The following TNFRSF8 variants were observed in gnomAD, a reference collection of about 807,000 sequenced individuals.
TNFRSF8 encodes tumor necrosis factor receptor superfamily member 8.
In TNFRSF8, 26 loss-of-function variants were observed where a neutral mutation model predicts 70.8. The observed-to-expected ratio is 0.37, with a 90% CI of 0.27 to 0.51. The LOEUF is 0.51. Among genes scored for constraint, TNFRSF8 ranks in the 20% least tolerant of loss-of-function variants. TNFRSF8 has a pLI of 0.94. For missense variants in TNFRSF8, 720 were observed against 807.9 expected (o/e 0.89, Z 1.32); for synonymous variants, 356 against 339.2 (o/e 1.05, Z -0.54).
In TNFRSF8 at chr1:12,063,539, G is replaced by C. The variant is rs1640683818; in HGVS notation, c.-60G>C. 3.1e-6 allele frequency: 4 copies of C among 1,285,218 alleles called. No individual in the cohort carries two copies. In the South Asian group the frequency reaches 9.3e-5, roughly 30 times the overall value. The allele number at this position is 1,285,218 out of a possible 1,614,324, so 79.6% of individuals were successfully genotyped here. On this transcript the variant is annotated 5_prime_UTR_variant, in exon 1 of 15. Transcript: ENST00000263932. The surrounding 1 kb of genome is among the most constrained non-coding windows in gnomAD (Gnocchi z 7.2). ...CCGGGACCGCACGTGGGCGCCGCGCGCTTCCCCCGCTTCCCAGGTGGGCGC... is the reference window on the plus strand; with the variant it reads ...CCGGGACCGCACGTGGGCGCCGCGCCCTTCCCCCGCTTCCCAGGTGGGCGC...
At chr1:12,134,634 GTCC>G (rs1642112132) in intron 12 of TNFRSF8, among the ~76,000 whole-genome samples, 1 of 152,234 alleles carries the variant, frequency 6.6e-6, no homozygotes, top group South Asian at 2.1e-4. Context: ...GAGAGCAGTT[GTCC>G]TCCTCGAAGG....
At chr1:12,078,336 GGT>G (rs1395996627) in intron 1 of TNFRSF8, among the ~76,000 whole-genome samples, 6 of 152,138 alleles carry the variant, frequency 3.9e-5, no homozygotes, top group African/African-American at 1.2e-4. Context: ...GGCTGAGGTG[GGT>G]GGCTCATTTG....
intron 4 of TNFRSF8, among the ~76,000 whole-genome samples, chr1:12,106,446 CCT>C (rs1160723692): frequency 1.3e-5 from 2 of 152,134 alleles, no homozygotes; most frequent in Non-Finnish European, 2.9e-5. Flanking sequence ...TGGATACATA[CCT>C]CTCTCTGTCT....
rs71230982 is a variant in TNFRSF8 at position 12,087,165 on chromosome 1, CTTTTT to C, written c.151+2630_151+2634del. Among the ~76,000 whole-genome samples, 34 of 83,946 alleles carry C rather than the reference CTTTTT, an allele frequency of 4.1e-4. 1 individual carries two copies. The highest frequency in any genetic ancestry group is 1.5e-3 in the African/African-American group (34 of 22,340). 55.1% of individuals were successfully genotyped at this position (83,946 alleles called of 152,430 possible). A position where few individuals can be genotyped will look rare whatever the true frequency, so the allele number is the denominator to read the frequency against. ...CAAATTTTTATTTCTCTCTCTCTCT[CTTTTT>C]TTTTTTTTTTTTTTTGAGATAGAGT... On this transcript the variant is annotated intron_variant, in intron 2 of 14. Coordinates refer to ENST00000263932, the MANE Select transcript of TNFRSF8 (RefSeq NM_001243.5).
chr1:12,069,709 G>A (rs924651490), intron 1 of TNFRSF8, among the ~76,000 whole-genome samples: 5 of 152,158 alleles, frequency 3.3e-5, no homozygotes, highest in African/African-American at 7.2e-5. Context: ...GAAGCACTCC[G>A]GGTGCTGCGA....
Position 12,076,442 on chromosome 1 carries a change from T to G in TNFRSF8, c.64-8022T>G, listed in dbSNP as rs115330331. ...AATAAACCTGTCTTTGGTAAGCCGC[T>G]TTTCATATTTTTTTCTTCTTTCTTC... On this transcript the variant is annotated intron_variant, in intron 1 of 14. Coordinates refer to ENST00000263932, the MANE Select transcript of TNFRSF8 (RefSeq NM_001243.5). Among the ~76,000 whole-genome samples, 1,085 of 152,274 alleles carry G rather than the reference T, an allele frequency of 7.1e-3. 10 individuals are homozygous for G. The highest frequency in any genetic ancestry group is 0.025 in the African/African-American group (1,041 of 41,550).
chr1:12,067,844 C>G (rs1454960796), intron 1 of TNFRSF8, among the ~76,000 whole-genome samples: 3 of 138,134 alleles, frequency 2.2e-5, no homozygotes, highest in Non-Finnish European at 3.0e-5. Flanking sequence ...TTTTGTTTTG[C>G]AAAAGGGACA....
intron 8 of TNFRSF8, among the ~76,000 whole-genome samples, chr1:12,120,475 C>T (rs140236795): frequency 3.4e-4 from 52 of 152,092 alleles, no homozygotes; most frequent in Middle Eastern, 3.4e-3. Flanking sequence ...TGAAAACTCC[C>T]GGGAAAAGAA....
chr1:12,124,593 G>A (rs1641896456), intron 10 of TNFRSF8, among the ~76,000 whole-genome samples: 1 of 152,170 alleles, frequency 6.6e-6, no homozygotes, highest in Non-Finnish European at 1.5e-5. Context: ...GGAGGCCAAG[G>A]TGGGTGGATC....
At position 12,142,582 on chromosome 1, in the gene TNFRSF8, C is replaced by A. The variant is rs1194839558; in HGVS notation, c.*51C>A. On this transcript the variant is annotated 3_prime_UTR_variant, in exon 15 of 15. Transcript: ENST00000263932. The surrounding 1 kb of genome is among the most constrained non-coding windows in gnomAD (Gnocchi z 5.0). ...GGGCAGCAGGGTGGCCTCTGGGAGG[C>A]CAGGATGGCACTGTTGGCACCGAGG... 1.3e-6 allele frequency: 2 copies of A among 1,539,004 alleles called. No individual in the cohort carries two copies. The highest frequency in any genetic ancestry group is 2.5e-5 in the East Asian group (1 of 40,780).
intron 1 of TNFRSF8, among the ~76,000 whole-genome samples, chr1:12,075,468 C>T (rs1640927822): frequency 1.3e-5 from 2 of 152,044 alleles, no homozygotes; most frequent in South Asian, 4.1e-4. Flanking sequence ...GAAGAGCTTC[C>T]ATACTCATCT....
At chr1:12,083,124 A>T (rs1415823758) in intron 1 of TNFRSF8, among the ~76,000 whole-genome samples, 1 of 152,232 alleles carries the variant, frequency 6.6e-6, no homozygotes, top group African/African-American at 2.4e-5. Flanking sequence ...CTACAGATCC[A>T]ACAAGATGGC....
rs1435152408 is a variant in TNFRSF8, at chr1:12,096,838, T to C, written c.152-263T>C. On this transcript the variant is annotated intron_variant, in intron 2 of 14. Coordinates refer to ENST00000263932, the MANE Select transcript of TNFRSF8 (RefSeq NM_001243.5). The stretch of plus-strand genomic sequence containing the variant: ...TGCTGACAAGGTCATTATCACGCAA[T>C]TGGCAAATGGCAGCCCTAGAATCCC... 2.0e-4 allele frequency among the ~76,000 whole-genome samples: 30 copies of C among 152,158 alleles called. 1 individual carries two copies. Among genetic ancestry groups the C allele is most frequent in the Admixed American group, 1.9e-3 (29 of 15,264 alleles).
chr1:12,135,622 C>T lies in TNFRSF8; in HGVS notation c.1335+9C>T, dbSNP rs1307675989. The stretch of plus-strand genomic sequence containing the variant: ...CCAGGAGGAGCTCAACGGTAAGTAC[C>T]CCTCCCTTGCCCCCACCTCAGCTTC... On this transcript the variant is annotated intron_variant, in intron 13 of 14. Transcript: ENST00000263932. 1.2e-6 allele frequency: 2 copies of T among 1,614,084 alleles called. No individual in the cohort carries two copies.
At chr1:12,070,155 G>A (rs1215266942) in intron 1 of TNFRSF8, among the ~76,000 whole-genome samples, 1 of 112,170 alleles carries the variant, frequency 8.9e-6, no homozygotes, top group Non-Finnish European at 1.9e-5. Flanking sequence ...TGGGGGGCTG[G>A]GGGATTGGGG....
rs1325204774 is a variant in TNFRSF8, at chr1:12,119,774, G to T, written c.947-3510G>T. Among the ~76,000 whole-genome samples, 1 of 151,958 alleles carries T rather than the reference G, an allele frequency of 6.6e-6. No individual in the cohort carries two copies. The highest frequency in any genetic ancestry group is 1.5e-5 in the Non-Finnish European group (1 of 68,000). On this transcript the variant is annotated intron_variant, in intron 8 of 14. Coordinates refer to ENST00000263932, the MANE Select transcript of TNFRSF8 (RefSeq NM_001243.5). The surrounding 1 kb of genome is among the most constrained non-coding windows in gnomAD (Gnocchi z 4.4). ...GAGCCACCATGACTGGCCGATTCTT[G>T]TACAAGTCTTTGGGTGGATGTATAT...
At chr1:12,070,316 T>C (rs1640820234) in intron 1 of TNFRSF8, among the ~76,000 whole-genome samples, 1 of 151,642 alleles carries the variant, frequency 6.6e-6, no homozygotes, top group African/African-American at 2.4e-5. Flanking sequence ...AGTGGTGTGA[T>C]CTCGGCTCAC....
intron 12 of TNFRSF8, among the ~76,000 whole-genome samples, chr1:12,133,125 C>A (rs910808401): frequency 1.3e-5 from 2 of 151,958 alleles, no homozygotes; most frequent in Non-Finnish European, 2.9e-5. Context: ...TTTTTGTTTT[C>A]TTTCGGGTTA....
chr1:12,125,934 G>T lies in TNFRSF8; in HGVS notation c.1154-17G>T, dbSNP rs910814653. 3.1e-6 allele frequency: 5 copies of T among 1,607,500 alleles called. No individual in the cohort carries two copies. The highest frequency in any genetic ancestry group is 2.7e-5 in the African/African-American group (2 of 74,772). ...GTTGCAGCAAGGCAAAGAGTGTGGG[G>T]CGTCTCTGTGTTCCAGGGCCAGTGC... On this transcript the variant is annotated splice_polypyrimidine_tract_variant and intron_variant, in intron 10 of 14. Transcript: ENST00000263932.
Sources: allele counts gnomAD v4.1 joint callset (sites outside exome capture counted in the v4.1 genomes callset), GRCh38; gene constraint gnomAD v4.1.1; non-coding constraint Gnocchi (gnomAD v3.1); transcripts MANE v1.5; gene names NCBI Gene and HGNC (gene_info 2026-07-23, HGNC 2026-07-21).